CDYL2: variants seen among roughly 807,000 people sequenced by gnomAD.
CDYL2 encodes chromodomain Y like 2.
Under a neutral mutation model 49.4 loss-of-function variants are expected in CDYL2, and 23 were observed. The observed-to-expected ratio is 0.47, with a 90% CI of 0.34 to 0.66. The LOEUF is 0.66. CDYL2 is among the 30% of genes least tolerant of loss of function. The pLI is 0.01. For synonymous variants in CDYL2, 360 were observed against 268.8 expected (o/e 1.34, Z -3.32); for missense variants, 678 against 656.4 (o/e 1.03, Z -0.36).
At chr16:80,706,808 T>C (rs1904420605) in intron 1 of CDYL2, among the ~76,000 whole-genome samples, 1 of 152,044 alleles carries the variant, frequency 6.6e-6, no homozygotes, top group Non-Finnish European at 1.5e-5. Context: ...CAATGGAAAA[T>C]CTTCATCACG....
intron 1 of CDYL2, among the ~76,000 whole-genome samples, chr16:80,747,281 C>CT (rs763909135): frequency 2.4e-4 from 37 of 152,216 alleles, no homozygotes; most frequent in Admixed American, 1.4e-3. Context: ...TCTGAAGAGT[C>CT]TGGGTTCAAA....
At chr16:80,613,515 T>A (rs1341353685) in intron 4 of CDYL2, among the ~76,000 whole-genome samples, 1 of 152,182 alleles carries the variant, frequency 6.6e-6, no homozygotes, top group East Asian at 1.9e-4. Context: ...TCTAAAATGC[T>A]GAATATGTTA....
intron 1 of CDYL2, among the ~76,000 whole-genome samples, chr16:80,686,503 C>G (rs1910200892): frequency 6.6e-6 from 1 of 152,092 alleles, no homozygotes; most frequent in East Asian, 1.9e-4. Context: ...GAATAAGCCT[C>G]TGAAACTTAC....
chr16:80,741,397 G>A (rs8055305), intron 1 of CDYL2, among the ~76,000 whole-genome samples: 125,604 of 151,562 alleles, frequency 0.83, 54,001 homozygotes, highest in Non-Finnish European at 0.95. Flanking sequence ...ACAAGGTCTA[G>A]GCTTACAGAA....
At chr16:80,608,011 G>C in intron 6 of CDYL2, 81 bp downstream of exon 6, 1 of 1,429,394 alleles carries the variant, frequency 7.0e-7, no homozygotes, top group Non-Finnish European at 9.2e-7. Context: ...GCAAGTCAGT[G>C]AAGCCCTCTG....
Position 80,767,931 on chromosome 16 carries a change from T to C in CDYL2, c.24+36219A>G, listed in dbSNP as rs557149227. Among the ~76,000 whole-genome samples, 5 of 152,336 alleles carry C rather than the reference T, an allele frequency of 3.3e-5. No individual in the cohort carries two copies. In the South Asian group the frequency reaches 1.0e-3, roughly 32 times the overall value. ...TGCAAATATTAGTGAAAATGGCTTC[T>C]CTGGAGCAACTTTACGGATGCAGGG... On this transcript the variant is annotated intron_variant, in intron 1 of 6. Transcript: ENST00000570137.
intron 1 of CDYL2, among the ~76,000 whole-genome samples, chr16:80,790,145 T>C (rs892779170): frequency 1.1e-4 from 17 of 152,208 alleles, no homozygotes; most frequent in African/African-American, 4.1e-4. Context: ...TTCAACAACC[T>C]TTTTATGCAA....
intron 2 of CDYL2, among the ~76,000 whole-genome samples, chr16:80,683,105 T>C (rs576969622): frequency 4.6e-5 from 7 of 152,298 alleles, no homozygotes; most frequent in East Asian, 3.9e-4. Flanking sequence ...CTGAAGTGTG[T>C]TGGCCTCATC....
intron 1 of CDYL2, among the ~76,000 whole-genome samples, chr16:80,756,679 A>C (rs1248241014): frequency 1.3e-5 from 2 of 152,156 alleles, no homozygotes; most frequent in Non-Finnish European, 2.9e-5. Flanking sequence ...TTGACAGAAA[A>C]ATCTAATAAT....
chr16:80,755,203 A>G lies in CDYL2; in HGVS notation c.24+48947T>C, dbSNP rs138287613. Among the ~76,000 whole-genome samples, 90 of 152,310 alleles carry G rather than the reference A, an allele frequency of 5.9e-4. 1 individual carries two copies. The East Asian group carries it at 0.017, about 28-fold the overall frequency. The stretch of plus-strand genomic sequence containing the variant: ...CATCCTGGTTACTCAGCAAATGTAA[A>G]TTTCTCCTATGTGGCAGTAGGGACT... On this transcript the variant is annotated intron_variant, in intron 1 of 6. Transcript: ENST00000570137.
intron 1 of CDYL2, among the ~76,000 whole-genome samples, chr16:80,758,709 A>AT (rs1263072591): frequency 6.6e-6 from 1 of 151,676 alleles, no homozygotes; most frequent in East Asian, 1.9e-4. Context: ...CACCCAGCTA[A>AT]TTTTTTGTAT....
At chr16:80,788,008 T>C (rs577061005) in intron 1 of CDYL2, among the ~76,000 whole-genome samples, 2 of 152,042 alleles carry the variant, frequency 1.3e-5, no homozygotes, top group East Asian at 1.9e-4. Flanking sequence ...GTACAGTACA[T>C]GGTAGTAAAG....
intron 2 of CDYL2, among the ~76,000 whole-genome samples, chr16:80,683,183 C>T (rs1176113632): frequency 1.3e-5 from 2 of 152,240 alleles, no homozygotes; most frequent in Non-Finnish European, 2.9e-5. Context: ...TCCACACGCA[C>T]CCTGGTTTCA....
intron 2 of CDYL2, among the ~76,000 whole-genome samples, chr16:80,665,990 T>C (rs1481206210): frequency 6.6e-6 from 1 of 151,968 alleles, no homozygotes. Context: ...GAGGGTGGGG[T>C]AGAAAAGCAC....
intron 1 of CDYL2, among the ~76,000 whole-genome samples, chr16:80,709,339 G>A (rs1287461843): frequency 6.9e-6 from 1 of 144,868 alleles, no homozygotes; most frequent in Non-Finnish European, 1.5e-5. Flanking sequence ...CCAAGATCGT[G>A]CCATTGCACT....
chr16:80,790,230 A>C (rs1907566846), intron 1 of CDYL2, among the ~76,000 whole-genome samples: 1 of 152,236 alleles, frequency 6.6e-6, no homozygotes, highest in Non-Finnish European at 1.5e-5. Context: ...AACAGGACTT[A>C]CACCAGCTTC....
chr16:80,612,945 G>A lies in CDYL2; in HGVS notation c.1008-109C>T. ...GAGGAGCACCCTCAGGTCGTCAGAG[G>A]TTAGAGGTGCCAGGCAAGGGCCTCA... On this transcript the variant is annotated intron_variant, in intron 4 of 6. Coordinates refer to ENST00000570137, the MANE Select transcript of CDYL2 (RefSeq NM_152342.4). The surrounding 1 kb of genome is among the most constrained non-coding windows in gnomAD (Gnocchi z 5.0). 1 of 1,005,478 alleles carries A rather than the reference G, an allele frequency of 9.9e-7. No individual in the cohort carries two copies. Among genetic ancestry groups the A allele is most frequent in the Non-Finnish European group, 1.4e-6 (1 of 702,768 alleles). 62.3% of individuals were successfully genotyped at this position (1,005,478 alleles called of 1,614,324 possible).
At position 80,713,414 on chromosome 16, in the gene CDYL2, C is replaced by T. The variant is rs978662660; in HGVS notation, c.25-28285G>A. On this transcript the variant is annotated intron_variant, in intron 1 of 6. Coordinates refer to ENST00000570137, the MANE Select transcript of CDYL2 (RefSeq NM_152342.4). The stretch of plus-strand genomic sequence containing the variant: ...AGCATTTTTTAGTTAAATCAAATGG[C>T]CTTTCAGATGCACTGTCACCACAGC... Among the ~76,000 whole-genome samples the T allele has an allele frequency of 2.0e-5, 3 of 152,100 alleles. No individual in the cohort carries two copies. The South Asian group carries it at 6.2e-4, about 31-fold the overall frequency.
chr16:80,764,450 T>C (rs1041582542), intron 1 of CDYL2, among the ~76,000 whole-genome samples: 1 of 152,152 alleles, frequency 6.6e-6, no homozygotes, highest in Non-Finnish European at 1.5e-5. Flanking sequence ...TGCTATTCCA[T>C]TCCCTATCCC....
Sources: gnomAD v4.1 joint callset for allele counts (sites outside exome capture counted in the v4.1 genomes callset) on GRCh38, gnomAD v4.1.1 for gene constraint, Gnocchi (gnomAD v3.1) non-coding constraint, MANE v1.5 for transcripts, NCBI Gene and HGNC (gene_info 2026-07-23, HGNC 2026-07-21) for gene names.